Variants in MKLN1 observed in about 807,000 individuals in gnomAD.
MKLN1 encodes muskelin.
MKLN1 carries 18 observed loss-of-function variants against 99.0 expected under a neutral mutation model. The ratio of observed to expected loss-of-function variants is 0.18; its 90% CI spans 0.13 to 0.27. The LOEUF is 0.27. MKLN1 is among the 10% of genes least tolerant of loss of function. The pLI is 1.00. For missense variants in MKLN1, 621 were observed against 875.9 expected (o/e 0.71, Z 3.67); for synonymous variants, 288 against 293.2 (o/e 0.98, Z 0.18).
intron 1 of MKLN1, among the ~76,000 whole-genome samples, chr7:131,341,691 A>G (rs142748217): frequency 1.5e-4 from 23 of 152,358 alleles, no homozygotes; most frequent in Admixed American, 4.6e-4. Flanking sequence ...AAATTGTTCC[A>G]TTTCAGATCA....
intron 2 of MKLN1, among the ~76,000 whole-genome samples, chr7:131,187,336 T>TC (rs397814751): frequency 2.0e-5 from 3 of 151,488 alleles, no homozygotes; most frequent in Admixed American, 6.6e-5. Flanking sequence ...TTTTTTTTTT[T>TC]CCAAAACAAC....
At chr7:131,283,002 G>A (rs1352990281) in intron 3 of MKLN1, among the ~76,000 whole-genome samples, 2 of 152,136 alleles carry the variant, frequency 1.3e-5, no homozygotes, top group Non-Finnish European at 2.9e-5. Flanking sequence ...CAGGTCACAC[G>A]GGCACCTAGT....
intron 2 of MKLN1, among the ~76,000 whole-genome samples, chr7:131,156,447 CAAAAAAAAAAA>C (rs143988738): frequency 2.7e-5 from 2 of 74,670 alleles, no homozygotes; most frequent in East Asian, 4.9e-4. Flanking sequence ...GACTCTGTCT[CAAAAAAAAAAA>C]AAAAAAAAAA....
intron 3 of MKLN1, among the ~76,000 whole-genome samples, chr7:131,227,488 TTTCTTTC>T (rs1797169751): frequency 1.5e-5 from 2 of 131,142 alleles, no homozygotes; most frequent in African/African-American, 5.8e-5. Flanking sequence ...TCTTTCTCTC[TTTCTTTC>T]TCTTTCTTTC....
At chr7:131,222,675 A>C (rs542798361) in intron 3 of MKLN1, among the ~76,000 whole-genome samples, 1 of 152,190 alleles carries the variant, frequency 6.6e-6, no homozygotes, top group East Asian at 1.9e-4. Flanking sequence ...CTTTCTCTCC[A>C]GGGATAAGGG....
chr7:131,265,825 G>T (rs1262330601), intron 3 of MKLN1, among the ~76,000 whole-genome samples: 6 of 152,142 alleles, frequency 3.9e-5, no homozygotes, highest in Non-Finnish European at 8.8e-5. Flanking sequence ...TTTTTGGGGA[G>T]AGTGGGGGCC....
chr7:131,347,114 T>A (rs996920760), intron 1 of MKLN1, among the ~76,000 whole-genome samples: 3 of 152,132 alleles, frequency 2.0e-5, no homozygotes, highest in Admixed American at 6.5e-5. Context: ...GCAACCTGCA[T>A]AATTATATAT....
At chr7:131,373,011 C>T (rs1793515791) in intron 1 of MKLN1, among the ~76,000 whole-genome samples, 1 of 151,444 alleles carries the variant, frequency 6.6e-6, no homozygotes, top group South Asian at 2.1e-4. Flanking sequence ...ACATAGAAAA[C>T]ATTTAGAAGA....
At chr7:131,155,934 T>C (rs1405689538) in intron 2 of MKLN1, among the ~76,000 whole-genome samples, 1 of 152,192 alleles carries the variant, frequency 6.6e-6, no homozygotes. Context: ...GTGTCTACCT[T>C]CAAAATTTGA....
chr7:131,207,858 G>T (rs932864853), intron 3 of MKLN1, among the ~76,000 whole-genome samples: 3 of 152,214 alleles, frequency 2.0e-5, no homozygotes, highest in African/African-American at 7.2e-5. Context: ...CTGGTCAAGG[G>T]AGTAGAGATG....
At chr7:131,407,297 C>G (rs1455567779) in intron 6 of MKLN1, among the ~76,000 whole-genome samples, 1 of 151,962 alleles carries the variant, frequency 6.6e-6, no homozygotes, top group Admixed American at 6.6e-5. Flanking sequence ...AATCTGTACT[C>G]ATGTTTCATA....
intron 3 of MKLN1, among the ~76,000 whole-genome samples, chr7:131,299,761 C>G (rs1203019298): frequency 6.6e-6 from 1 of 152,210 alleles, no homozygotes; most frequent in African/African-American, 2.4e-5. Flanking sequence ...CTTTGGCCAA[C>G]TGTTCGTTAA....
intron 3 of MKLN1, among the ~76,000 whole-genome samples, chr7:131,264,932 G>A (rs10229550): frequency 0.11 from 16,334 of 151,956 alleles, 1,349 homozygotes; most frequent in South Asian, 0.37. Flanking sequence ...TCCGTCTCCC[G>A]GGTTCAAGCA....
At chr7:131,216,420 C>G (rs1227086990) in intron 3 of MKLN1, among the ~76,000 whole-genome samples, 1 of 100,784 alleles carries the variant, frequency 9.9e-6, no homozygotes, top group African/African-American at 3.6e-5. Context: ...GAGTCTCTGA[C>G]TCAAAAAAAA....
chr7:131,244,781 C>T (rs1797460491), intron 3 of MKLN1, among the ~76,000 whole-genome samples: 1 of 152,080 alleles, frequency 6.6e-6, no homozygotes, highest in African/African-American at 2.4e-5. Context: ...TGATTCTTGG[C>T]CCCTTCTTTC....
Position 131,126,678 on chromosome 7 carries a change from C to T in MKLN1, c.-418-16142C>T, listed in dbSNP as rs1795466536. Among the ~76,000 whole-genome samples the T allele has an allele frequency of 2.6e-5, 4 of 152,312 alleles. 1 individual carries two copies. The highest frequency in any genetic ancestry group is 6.8e-3 in the Middle Eastern group (2 of 292). On this transcript the variant is annotated intron_variant, in intron 1 of 7. Coordinates refer to the MKLN1 transcript ENST00000416992. ...AAGCAATTCTCCTGCCTCAGCCTCC[C>T]AAGTAGCTGGAGTTACAGGTGCGTG...
At chr7:131,313,645 G>A (rs1053991473) in intron 3 of MKLN1, among the ~76,000 whole-genome samples, 3 of 152,208 alleles carry the variant, frequency 2.0e-5, no homozygotes, top group Non-Finnish European at 4.4e-5. Context: ...GGGTGTGTTG[G>A]AAGAAAATTA....
intron 3 of MKLN1, among the ~76,000 whole-genome samples, chr7:131,264,472 A>G (rs1244339485): frequency 6.6e-6 from 1 of 152,198 alleles, no homozygotes; most frequent in East Asian, 1.9e-4. Flanking sequence ...ACCCAGGGAA[A>G]TATAAGGAAC....
chr7:131,267,332 AAAATAAAT>A (rs533014457), intron 3 of MKLN1, among the ~76,000 whole-genome samples: 11 of 152,142 alleles, frequency 7.2e-5, no homozygotes, highest in African/African-American at 2.2e-4. Flanking sequence ...CTCCATCTCA[AAAATAAAT>A]AAATAAATAA....
Sources: allele counts gnomAD v4.1 joint callset (sites outside exome capture counted in the v4.1 genomes callset), GRCh38; gene constraint gnomAD v4.1.1; transcripts MANE v1.5; gene names NCBI Gene and HGNC (gene_info 2026-07-23, HGNC 2026-07-21).